Variants in PRH1 observed in about 807,000 individuals in gnomAD.
The protein encoded by PRH1 is salivary acidic proline-rich phosphoprotein 1/2.
PRH1 carries 7 observed loss-of-function variants against 7.9 expected under a neutral mutation model. The observed-to-expected ratio is 0.89, with a 90% CI of 0.50 to 1.67. The LOEUF is 1.67. PRH1 is among the 40% of genes most tolerant of loss of function. PRH1 has a pLI of 0.00. For missense variants in PRH1, 109 were observed against 223.6 expected (o/e 0.49, Z 3.27); for synonymous variants, 45 against 80.8 (o/e 0.56, Z 2.38).
chr12:11,007,684 T>A (rs1157016164), intron 1 of PRH1, among the ~76,000 whole-genome samples: 1 of 152,092 alleles, frequency 6.6e-6, no homozygotes, highest in East Asian at 1.9e-4. Flanking sequence ...AAATTTTGTA[T>A]ACGTCTTTGA....
At chr12:10,994,975 A>C (rs1050170400) in intron 1 of PRH1, among the ~76,000 whole-genome samples, 9 of 152,182 alleles carry the variant, frequency 5.9e-5, no homozygotes, top group East Asian at 1.9e-4. Context: ...TTTGTGTCAC[A>C]CATCTGATAT....
upstream of PRH1, among the ~76,000 whole-genome samples, chr12:10,888,714 T>A (rs941964709): frequency 6.6e-6 from 1 of 152,238 alleles, no homozygotes; most frequent in Non-Finnish European, 1.5e-5. Context: ...ATCCGTATAA[T>A]TTTTGAGTGT....
At chr12:10,938,293 C>T (rs765196577) in intron 2 of PRH1, 3 of 1,610,714 alleles carry the variant, frequency 1.9e-6, no homozygotes, top group South Asian at 2.2e-5. Context: ...CTGAGGGCTC[C>T]CCATCTTTGA....
intron 2 of PRH1, among the ~76,000 whole-genome samples, chr12:10,893,097 A>G (rs981397273): frequency 6.6e-6 from 1 of 152,210 alleles, no homozygotes; most frequent in African/African-American, 2.4e-5. Flanking sequence ...TTCACAAAGC[A>G]TGATTTTTAA....
At chr12:11,020,363 G>GATATATCT (rs1941545453) in intron 1 of PRH1, among the ~76,000 whole-genome samples, 4 of 87,584 alleles carry the variant, frequency 4.6e-5, no homozygotes, top group East Asian at 3.1e-3. Flanking sequence ...TATGATAAGC[G>GATATATCT]ATATATATAT....
intron 2 of PRH1, among the ~76,000 whole-genome samples, chr12:10,890,537 G>A (rs1383647842): frequency 1.3e-5 from 2 of 150,704 alleles, no homozygotes; most frequent in Non-Finnish European, 2.9e-5. Flanking sequence ...TTCTATTTGA[G>A]TATTTATAGA....
chr12:10,997,049 G>A (rs777840763), intron 1 of PRH1: 1 of 1,614,050 alleles, frequency 6.2e-7, no homozygotes, highest in Non-Finnish European at 8.5e-7. Context: ...CAGAATGAAT[G>A]AGTGGAATGA....
At chr12:10,886,697 A>T (rs556458367), upstream of PRH1, among the ~76,000 whole-genome samples, 1 of 152,184 alleles carries the variant, frequency 6.6e-6, no homozygotes, top group Admixed American at 6.5e-5. Flanking sequence ...AGTCTTCAAC[A>T]TATGAAATTT....
Position 11,093,800 on chromosome 12 carries a change from T to A in PRH1, n.124-46612A>T, listed in dbSNP as rs1162821137. 1.8e-5 allele frequency among the ~76,000 whole-genome samples: 2 copies of A among 113,918 alleles called. 1 individual carries two copies. Among genetic ancestry groups the A allele is most frequent in the Non-Finnish European group, 4.1e-5 (2 of 48,358 alleles). The allele number at this position is 113,918 out of a possible 152,430, so 74.7% of individuals were successfully genotyped here. ...TTGAGATGGCTTCCATACTGGGGAT[T>A]CTTCCTCTTTCCATAGAGATTTGAG... is the stretch of plus-strand genomic sequence containing the variant. On this transcript the variant is annotated intron_variant and non_coding_transcript_variant, in intron 1 of 4. Transcript: ENST00000541977.
chr12:11,107,295 A>G (rs2597960), intron 1 of PRH1, among the ~76,000 whole-genome samples: 69,227 of 152,078 alleles, frequency 0.46, 16,576 homozygotes, highest in Non-Finnish European at 0.53. Flanking sequence ...ACAACCACAC[A>G]TGGCTGAGAA....
At chr12:11,020,341 C>T (rs1941538897) in intron 1 of PRH1, among the ~76,000 whole-genome samples, 1 of 129,236 alleles carries the variant, frequency 7.7e-6, no homozygotes, top group Non-Finnish European at 1.6e-5. Flanking sequence ...TTACATTGTA[C>T]TAGGGAGGAC....
At chr12:11,014,983 C>T (rs143849549) in intron 1 of PRH1, among the ~76,000 whole-genome samples, 5 of 152,146 alleles carry the variant, frequency 3.3e-5, no homozygotes, top group South Asian at 2.1e-4. Context: ...CAGGGAGAGG[C>T]AATTTCACAA....
intron 1 of PRH1, among the ~76,000 whole-genome samples, chr12:11,057,478 T>A (rs1040744097): frequency 6.6e-6 from 1 of 152,256 alleles, no homozygotes; most frequent in African/African-American, 2.4e-5. Flanking sequence ...GACATTATTA[T>A]AGCAGGACCA....
chr12:11,118,220 G>GA (rs985223873), downstream of PRH1, among the ~76,000 whole-genome samples: 6 of 151,838 alleles, frequency 4.0e-5, no homozygotes, highest in African/African-American at 9.7e-5. Flanking sequence ...AACTGTATAG[G>GA]AAAAAAAATC....
intron 1 of PRH1, among the ~76,000 whole-genome samples, chr12:10,991,234 ATAAT>A (rs1429271160): frequency 1.3e-5 from 2 of 152,362 alleles, no homozygotes; most frequent in East Asian, 3.9e-4. Flanking sequence ...AAATTAACTC[ATAAT>A]TAATTGATCA....
chr12:11,011,511 T>C (rs1591808285), intron 1 of PRH1, among the ~76,000 whole-genome samples: 1 of 152,272 alleles, frequency 6.6e-6, no homozygotes, highest in Non-Finnish European at 1.5e-5. Context: ...TTTTCCTTCA[T>C]TGTTTTGCAA....
chr12:11,149,351 C>T (rs542949127), intron 1 of PRH1, among the ~76,000 whole-genome samples: 1 of 152,262 alleles, frequency 6.6e-6, no homozygotes, highest in South Asian at 2.1e-4. Context: ...TTTGCTCTTG[C>T]TTTCGCCAAG....
At chr12:11,062,476 A>ACCC (rs1488150787) in intron 1 of PRH1, among the ~76,000 whole-genome samples, 2 of 152,112 alleles carry the variant, frequency 1.3e-5, no homozygotes, top group Non-Finnish European at 2.9e-5. Flanking sequence ...GCTAATGGGT[A>ACCC]AGTTCAACGC....
chr12:11,139,226 TAC>T lies in PRH1; in HGVS notation n.40-18048_40-18047del, dbSNP rs759799408. On this transcript the variant is annotated intron_variant and non_coding_transcript_variant, in intron 1 of 1. Coordinates refer to the PRH1 transcript ENST00000541175. ...CATTTTTTTATTGGGGAATATAACA[TAC>T]AGAGAGTAATAAAACCTAAAAACAG... is the stretch of plus-strand genomic sequence containing the variant. Among the ~76,000 whole-genome samples the T allele has an allele frequency of 2.0e-3, 299 of 152,206 alleles. 2 individuals are homozygous for T. Among genetic ancestry groups the T allele is most frequent in the Non-Finnish European group, 2.9e-3 (200 of 67,964 alleles).
Sources: gnomAD v4.1 joint callset for allele counts (sites outside exome capture counted in the v4.1 genomes callset) on GRCh38, gnomAD v4.1.1 for gene constraint, MANE v1.5 for transcripts, NCBI Gene and HGNC (gene_info 2026-07-23, HGNC 2026-07-21) for gene names.